ZBTB40: variants seen among roughly 807,000 people sequenced by gnomAD.
The protein encoded by ZBTB40 is zinc finger and BTB domain containing 40.
Under a neutral mutation model 117.5 loss-of-function variants are expected in ZBTB40, and 60 were observed. The observed-to-expected ratio is 0.51, with a 90% CI of 0.41 to 0.63. The LOEUF (loss-of-function observed/expected upper bound fraction) is 0.63, where lower values mean the gene tolerates loss of function less well. ZBTB40 is among the 30% of genes least tolerant of loss of function. The pLI is 0.00. For synonymous variants in ZBTB40, 525 were observed against 577.1 expected (o/e 0.91, Z 1.29); for missense variants, 1,287 against 1,498.5 (o/e 0.86, Z 2.33).
At chr1:22,447,973 A>T (rs570507012), upstream of ZBTB40, among the ~76,000 whole-genome samples, 1 of 152,326 alleles carries the variant, frequency 6.6e-6, no homozygotes, top group South Asian at 2.1e-4. Context: ...CCTCCAGCAA[A>T]CTTCACTTCC....
chr1:22,519,813 A>G (rs1639472078), intron 13 of ZBTB40: 1 of 563,238 alleles, frequency 1.8e-6, no homozygotes, highest in Non-Finnish European at 3.2e-6. Flanking sequence ...GAGATGAACT[A>G]CATGATGCTG....
chr1:22,451,383 C>A (rs1395703962), upstream of ZBTB40, among the ~76,000 whole-genome samples: 1 of 152,086 alleles, frequency 6.6e-6, no homozygotes, highest in Admixed American at 6.5e-5. Flanking sequence ...TCCTTAGGGC[C>A]GGGCATGGTG....
chr1:22,431,662 G>A (rs61520345), intron 1 of ZBTB40, among the ~76,000 whole-genome samples: 7,735 of 151,876 alleles, frequency 0.051, 679 homozygotes, highest in African/African-American at 0.18. Flanking sequence ...CTTGAACCCT[G>A]GAGACAGAGG....
rs1639282248 is a variant in ZBTB40 at position 22,512,986 on chromosome 1, G to A, written c.2524G>A (p.Gly842Arg). Reference protein sequence around the residue: ...DEKPFSCEECGAKFAANSTLK... With the variant: ...DEKPFSCEECRAKFAANSTLK... ...GAAGCCTTTCTCCTGTGAAGAGTGT[G>A]GGGCGAAGTTTGCAGCCAATTCCAC... Residue 842 changes from glycine (G) to arginine (R), a missense_variant, in exon 12 of 18, where the codon GGG becomes AGG. By Grantham distance (125) the Gly-to-Arg change is moderately radical. Transcript: ENST00000375647. 1.9e-6 allele frequency: 3 copies of A among 1,614,080 alleles called. No individual in the cohort carries two copies. In the South Asian group the frequency reaches 3.3e-5, roughly 18 times the overall value.
intron 2 of ZBTB40, among the ~76,000 whole-genome samples, chr1:22,491,035 A>G (rs560300714): frequency 6.6e-6 from 1 of 152,340 alleles, no homozygotes; most frequent in East Asian, 1.9e-4. Context: ...AGCTGGGATT[A>G]CAGGCATGTG....
In ZBTB40 at chr1:22,451,893, G is replaced by C. The variant is rs1640881994; in HGVS notation, c.-181G>C. The C allele has an allele frequency of 6.6e-6, 1 of 152,368 alleles. No individual in the cohort carries two copies. Among genetic ancestry groups the C allele is most frequent in the African/African-American group, 2.4e-5 (1 of 41,460 alleles). 9.4% of individuals were successfully genotyped at this position (152,368 alleles called of 1,614,324 possible). On this transcript the variant is annotated 5_prime_UTR_variant, in exon 1 of 18. Transcript: ENST00000375647. Reference sequence around the variant, plus strand: ...GGCCTCAAGATGGCCGCCTTCTGGCGTCTCCGGCGCTGTTGAATGGCGAAA... The same window carrying C: ...GGCCTCAAGATGGCCGCCTTCTGGCCTCTCCGGCGCTGTTGAATGGCGAAA...
rs564032940 is a variant in ZBTB40, at chr1:22,506,671, C to T, written c.1360+430C>T. 4.6e-5 allele frequency among the ~76,000 whole-genome samples: 7 copies of T among 152,210 alleles called. No individual in the cohort carries two copies. The East Asian group carries it at 5.8e-4, about 13-fold the overall frequency. On this transcript the variant is annotated intron_variant, in intron 6 of 17. Transcript: ENST00000375647. ...CCCCAGAACTCATTATTCTGGTGTC[C>T]GTTCAGCTTGGGGAAATGAGTCCAT...
chr1:22,454,337 G>C (rs976691613), intron 1 of ZBTB40, among the ~76,000 whole-genome samples: 59 of 152,318 alleles, frequency 3.9e-4, no homozygotes, highest in African/African-American at 1.4e-3. Context: ...TGGACCTGGG[G>C]CTCTGTTCTG....
At chr1:22,515,775 G>T (rs985340631) in intron 12 of ZBTB40, among the ~76,000 whole-genome samples, 1 of 152,190 alleles carries the variant, frequency 6.6e-6, no homozygotes, top group African/African-American at 2.4e-5. Context: ...GAGGAATTAG[G>T]ACATGGACAT....
At chr1:22,496,874 G>A (rs1045951223) in intron 3 of ZBTB40, among the ~76,000 whole-genome samples, 2 of 152,194 alleles carry the variant, frequency 1.3e-5, no homozygotes, top group East Asian at 1.9e-4. Context: ...ACGATAGGCC[G>A]TCTGTACCTT....
intron 1 of ZBTB40, among the ~76,000 whole-genome samples, chr1:22,431,384 G>GTGTGTGTATA (rs1222294324): frequency 3.9e-4 from 47 of 119,692 alleles, no homozygotes; most frequent in African/African-American, 1.6e-3. Context: ...GTGTGTGTGT[G>GTGTGTGTATA]TATATATATA....
At chr1:22,475,054 G>C (rs564922073) in intron 1 of ZBTB40, among the ~76,000 whole-genome samples, 80 of 152,132 alleles carry the variant, frequency 5.3e-4, no homozygotes, top group African/African-American at 1.9e-3. Context: ...AGGGGAGACA[G>C]AATCGAAGAC....
chr1:22,441,403 A>G (rs4655060), intron 1 of ZBTB40, among the ~76,000 whole-genome samples: 147,754 of 151,100 alleles, frequency 0.98, 72,331 homozygotes, highest in East Asian at 1. Context: ...ACCAAGTTTC[A>G]GTTTATTTTT....
chr1:22,467,741 C>T (rs1031872487), intron 1 of ZBTB40, among the ~76,000 whole-genome samples: 5 of 149,994 alleles, frequency 3.3e-5, no homozygotes, highest in Admixed American at 1.3e-4. Flanking sequence ...TCCCGAAGTG[C>T]TGGGATTACA....
intron 1 of ZBTB40, among the ~76,000 whole-genome samples, chr1:22,429,526 T>C (rs1640549176): frequency 6.6e-6 from 1 of 152,214 alleles, no homozygotes; most frequent in Non-Finnish European, 1.5e-5. Context: ...TTCCTCACCT[T>C]ACCATCCAAT....
rs935276962 is a variant in ZBTB40, at chr1:22,513,846, A to G, written c.2668+716A>G. On this transcript the variant is annotated intron_variant, in intron 12 of 17. Transcript: ENST00000375647. This position sits in a 1 kb window ranked among gnomAD's most constrained non-coding sequence, Gnocchi z 4.9. Reference sequence around the variant, plus strand: ...ACTGGCTAACCTCCTATGACTTTATATTAGGTCTTGTGGAAAAGTCATTGT... The same window carrying G: ...ACTGGCTAACCTCCTATGACTTTATGTTAGGTCTTGTGGAAAAGTCATTGT... Among the ~76,000 whole-genome samples, 1 of 152,202 alleles carries G rather than the reference A, an allele frequency of 6.6e-6. No homozygotes were observed. Among genetic ancestry groups the G allele is most frequent in the Non-Finnish European group, 1.5e-5 (1 of 68,042 alleles).
chr1:22,444,833 T>A (rs957180980), intron 1 of ZBTB40, among the ~76,000 whole-genome samples: 1 of 152,226 alleles, frequency 6.6e-6, no homozygotes. Flanking sequence ...AGTCACCCGC[T>A]TGGTCCTCTT....
chr1:22,449,750 G>T (rs1330897424), upstream of ZBTB40, among the ~76,000 whole-genome samples: 1 of 152,112 alleles, frequency 6.6e-6, no homozygotes, highest in Non-Finnish European at 1.5e-5. Flanking sequence ...GAGTACACTT[G>T]GTGGCCACTT....
At position 22,508,056 on chromosome 1, in the gene ZBTB40, CCTCT is replaced by C. The variant is rs745578198; in HGVS notation, c.1419_1422del (p.Ser474ArgfsTer10). On this transcript the variant is annotated frameshift_variant, in exon 7 of 18. Transcript: ENST00000375647. LOFTEE classifies it high-confidence loss of function. ...AGCTATTGAGACGCTATCATGAAAA[CCTCT>C]CTGAGATTTTCACAGACAACCAGAT... The C allele has an allele frequency of 2.5e-6, 4 of 1,614,064 alleles. No individual in the cohort carries two copies. The South Asian group carries it at 3.3e-5, about 13-fold the overall frequency.
Sources: gnomAD v4.1 joint callset for allele counts (sites outside exome capture counted in the v4.1 genomes callset) on GRCh38, gnomAD v4.1.1 for gene constraint, Gnocchi (gnomAD v3.1) non-coding constraint, MANE v1.5 for transcripts, NCBI Gene and HGNC (gene_info 2026-07-23, HGNC 2026-07-21) for gene names.